FAM149A: variants seen among roughly 807,000 people sequenced by gnomAD.
FAM149A encodes the protein family with sequence similarity 149 member A.
FAM149A carries 71 observed loss-of-function variants against 78.2 expected under a neutral mutation model. The ratio of observed to expected loss-of-function variants is 0.91; its 90% CI spans 0.75 to 1.11. FAM149A has a LOEUF of 1.11. FAM149A is among the 50% of genes least tolerant of loss of function. The probability of loss-of-function intolerance (pLI) is 0.00; values close to 1 mark genes in which losing one functional copy is unlikely to be tolerated. For synonymous variants in FAM149A, 446 were observed against 410.5 expected (o/e 1.09, Z -1.04); for missense variants, 1,036 against 971.0 (o/e 1.07, Z -0.89).
intron 1 of FAM149A, among the ~76,000 whole-genome samples, chr4:186,141,088 A>G (rs2099325590): frequency 6.6e-6 from 1 of 152,190 alleles, no homozygotes; most frequent in African/African-American, 2.4e-5. Flanking sequence ...CATTTCTCTA[A>G]TGGTAAGTGA....
chr4:186,159,959 C>G (rs571253450), intron 8 of FAM149A, among the ~76,000 whole-genome samples: 3,103 of 148,908 alleles, frequency 0.021, 144 homozygotes, highest in African/African-American at 0.073. Flanking sequence ...CCACACCACT[C>G]ATACACACAC....
In FAM149A at chr4:186,151,928, CAG is replaced by C; in HGVS notation, c.816_817del (p.Val273AlafsTer13). 1 of 1,614,064 alleles carries C rather than the reference CAG, an allele frequency of 6.2e-7. No homozygotes were observed. The highest frequency in any genetic ancestry group is 8.5e-7 in the Non-Finnish European group (1 of 1,179,996). On this transcript the variant is annotated frameshift_variant, in exon 4 of 14. Transcript: ENST00000389354. LOFTEE classifies it high-confidence loss of function. The stretch of plus-strand genomic sequence containing the variant: ...GAATTTGACGAAGCCAGTTCACAGT[CAG>C]TGCAGCGGTTACTCTGGGAGGTGGA...
intron 8 of FAM149A, chr4:186,158,183 A>C (rs963653860): frequency 1.6e-6 from 2 of 1,278,336 alleles, no homozygotes; most frequent in Non-Finnish European, 2.0e-6. Flanking sequence ...CACCAGAGCC[A>C]CTCCAGCTGC....
At chr4:186,126,580 G>A (rs996794145) in intron 1 of FAM149A, among the ~76,000 whole-genome samples, 2 of 152,118 alleles carry the variant, frequency 1.3e-5, no homozygotes, top group African/African-American at 2.4e-5. Flanking sequence ...CTCAGACATT[G>A]AAGGGTCTGG....
At chr4:186,106,992 A>G (rs1304148311) in intron 1 of FAM149A, among the ~76,000 whole-genome samples, 1 of 152,212 alleles carries the variant, frequency 6.6e-6, no homozygotes, top group African/African-American at 2.4e-5. Context: ...AGTTAAGCAA[A>G]AAGTTGTTCC....
chr4:186,130,481 T>C (rs566471841), intron 1 of FAM149A, among the ~76,000 whole-genome samples: 1 of 150,870 alleles, frequency 6.6e-6, no homozygotes, highest in Admixed American at 6.6e-5. Flanking sequence ...GGTCAGGTGA[T>C]CCTCCCACCT....
rs932905056 is a variant in FAM149A at position 186,144,242 on chromosome 4, C to T, written c.567-4931C>T. On this transcript the variant is annotated intron_variant, in intron 1 of 13. Transcript: ENST00000389354. The surrounding 1 kb of genome is among the most constrained non-coding windows in gnomAD (Gnocchi z 4.2). Reference sequence around the variant, plus strand: ...CCAGCTGCTCTGCTCCTGGTATAATCCTGGGCCTCCAAAACTGAAACGAGC... The same window carrying T: ...CCAGCTGCTCTGCTCCTGGTATAATTCTGGGCCTCCAAAACTGAAACGAGC... The T allele has an allele frequency of 2.0e-5, 3 of 152,290 alleles. No homozygotes were observed. The highest frequency in any genetic ancestry group is 2.9e-5 in the Non-Finnish European group (2 of 68,066). 9.4% of individuals were successfully genotyped at this position (152,290 alleles called of 1,614,324 possible). A position where few individuals can be genotyped will look rare whatever the true frequency, so the allele number is the denominator to read the frequency against.
In FAM149A at chr4:186,164,106, C is replaced by T. The variant is rs546162854; in HGVS notation, c.1889+473C>T. Among the ~76,000 whole-genome samples, 52 of 152,292 alleles carry T rather than the reference C, an allele frequency of 3.4e-4. 1 individual carries two copies. The highest frequency in any genetic ancestry group is 2.0e-3 in the Admixed American group (30 of 15,306). On this transcript the variant is annotated intron_variant, in intron 10 of 13. Coordinates refer to ENST00000389354, the MANE Select transcript of FAM149A (RefSeq NM_001367768.3). The surrounding 1 kb of genome is among the most constrained non-coding windows in gnomAD (Gnocchi z 4.0). ...CAGGATTCACATCCCGTCATGGCCT[C>T]GTTAGAAAGGTGCCTGTCTCTTGCC... is the stretch of plus-strand genomic sequence containing the variant.
At chr4:186,132,954 G>A (rs934654095) in intron 1 of FAM149A, 20 of 984,888 alleles carry the variant, frequency 2.0e-5, no homozygotes, top group Non-Finnish European at 2.4e-5. Flanking sequence ...ATGGTATTTG[G>A]AGATGGATTT....
intron 6 of FAM149A, chr4:186,154,892 C>T (rs1733913898): frequency 2.0e-6 from 2 of 985,146 alleles, no homozygotes; most frequent in Non-Finnish European, 2.4e-6. Flanking sequence ...CCTGGGGGCT[C>T]CAGGTTCCCC....
intron 1 of FAM149A, among the ~76,000 whole-genome samples, chr4:186,141,528 A>G (rs933510430): frequency 6.6e-6 from 1 of 152,230 alleles, no homozygotes; most frequent in Non-Finnish European, 1.5e-5. Context: ...TATCACTTTA[A>G]TCTTTAAGCA....
In FAM149A at chr4:186,171,958, T is replaced by G; in HGVS notation, c.2263T>G (p.Phe755Val). The change falls in exon 14 of 14, where the codon TTC becomes GTC. Residue 755 changes from phenylalanine (F) to valine (V), a missense_variant. This residue lies in a region of FAM149A where 716 missense variants were observed against 711.8 expected (regional missense o/e 1.01). Transcript: ENST00000389354. ...ATCTTTTCAGAGGACAACTTTGACT[T>G]TCAAGAGGAGATTCCAAGTGACATC... 2 of 1,612,952 alleles carry G rather than the reference T, an allele frequency of 1.2e-6. No homozygotes were observed. Among genetic ancestry groups the G allele is most frequent in the African/African-American group, 1.3e-5 (1 of 75,006 alleles).
At position 186,144,711 on chromosome 4, in the gene FAM149A, C is replaced by T. The variant is rs1203068948; in HGVS notation, c.567-4462C>T. ...AGGGAGCGGGGAAGGCGCGCTTTCC[C>T]GGAGGTCGGCGCGGGGCCGGGGCCG... is the stretch of plus-strand genomic sequence containing the variant. On this transcript the variant is annotated intron_variant, in intron 1 of 13. Coordinates refer to ENST00000389354, the MANE Select transcript of FAM149A (RefSeq NM_001367768.3). This position sits in a 1 kb window ranked among gnomAD's most constrained non-coding sequence, Gnocchi z 4.2. The T allele has an allele frequency of 3.4e-6, 2 of 592,964 alleles. No individual in the cohort carries two copies. The highest frequency in any genetic ancestry group is 4.1e-6 in the Non-Finnish European group (2 of 485,380). The allele number at this position is 592,964 out of a possible 1,614,324, so 36.7% of individuals were successfully genotyped here. A position where few individuals can be genotyped will look rare whatever the true frequency, so the allele number is the denominator to read the frequency against.
chr4:186,142,188 C>CA (rs1047639660), intron 1 of FAM149A, among the ~76,000 whole-genome samples: 1 of 152,232 alleles, frequency 6.6e-6, no homozygotes, highest in African/African-American at 2.4e-5. Context: ...CTGGAACCCG[C>CA]AGTGGCTGCT....
intron 1 of FAM149A, among the ~76,000 whole-genome samples, chr4:186,108,275 C>T (rs768296429): frequency 9.9e-5 from 15 of 152,022 alleles, no homozygotes; most frequent in Non-Finnish European, 1.5e-4. Flanking sequence ...TAAAGGAAAC[C>T]GTAAACCTGT....
intron 6 of FAM149A, among the ~76,000 whole-genome samples, 164 bp from the exon 7 acceptor site, chr4:186,155,836 T>C (rs1399127894): frequency 1.3e-5 from 2 of 152,130 alleles, no homozygotes; most frequent in African/African-American, 4.8e-5. Context: ...TTTTTATTCA[T>C]GTGTAATGGA....
Position 186,162,892 on chromosome 4 carries a change from G to C in FAM149A, c.1623G>C (p.Met541Ile), listed in dbSNP as rs553556070. The C allele has an allele frequency of 3.8e-6, 6 of 1,581,280 alleles. No individual in the cohort carries two copies. In the African/African-American group the frequency reaches 8.4e-5, roughly 22 times the overall value. ...TTTATAGTGACATGAATGGTGTCAT[G>C]ACAATTCAAGCAAAACCGCTTCAGC... Residue 541 changes from methionine to isoleucine, a missense_variant, in exon 9 of 14, where the codon ATG (methionine) becomes ATC (isoleucine). This residue lies in a region of FAM149A where 716 missense variants were observed against 711.8 expected (regional missense o/e 1.01). Coordinates refer to ENST00000389354, the MANE Select transcript of FAM149A (RefSeq NM_001367768.3).
rs752584665 is a variant in FAM149A, at chr4:186,159,978, C to CCA, written c.1575+2271_1575+2272dup. Among the ~76,000 whole-genome samples the CCA allele has an allele frequency of 8.5e-3, 1,259 of 148,352 alleles. 24 individuals carry two copies. Among genetic ancestry groups the CCA allele is most frequent in the African/African-American group, 0.03 (1,192 of 39,948 alleles). ...ACCACTCATACACACACCAAACACA[C>CCA]CACACACACACACTGCACACATCCC... On this transcript the variant is annotated intron_variant, in intron 8 of 13. Coordinates refer to ENST00000389354, the MANE Select transcript of FAM149A (RefSeq NM_001367768.3).
chr4:186,162,947 C>T lies in FAM149A; in HGVS notation c.1678C>T (p.Gln560Ter), dbSNP rs772262578. 1 of 1,576,678 alleles carries T rather than the reference C, an allele frequency of 6.3e-7. No individual in the cohort carries two copies. Among genetic ancestry groups the T allele is most frequent in the South Asian group, 1.1e-5 (1 of 89,556 alleles). ...ACCTGCCTATTTTGCTGACAGAACGCAGTACGTATCAGAATCAGTAGTAGT... is the reference window on the plus strand; with the variant it reads ...ACCTGCCTATTTTGCTGACAGAACGTAGTACGTATCAGAATCAGTAGTAGT... Residue 560 changes from glutamine to a stop codon, truncating the protein, a stop_gained and splice_region_variant, in exon 9 of 14, where the codon CAG (glutamine) becomes TAG (stop). Coordinates refer to ENST00000389354, the MANE Select transcript of FAM149A (RefSeq NM_001367768.3). LOFTEE classifies it high-confidence loss of function.
Sources: gnomAD v4.1 joint callset for allele counts (sites outside exome capture counted in the v4.1 genomes callset) on GRCh38, gnomAD v4.1.1 for gene constraint, gnomAD v4.1.1 regional missense constraint, Gnocchi (gnomAD v3.1) non-coding constraint, MANE v1.5 for transcripts, NCBI Gene and HGNC (gene_info 2026-07-23, HGNC 2026-07-21) for gene names.